GTF3C1: variants seen among roughly 807,000 people sequenced by gnomAD.
GTF3C1 encodes general transcription factor IIIC subunit 1, also known as general transcription factor 3C polypeptide 1.
A neutral mutation model predicts 226.7 loss-of-function variants in GTF3C1; 57 were observed. The observed-to-expected ratio is 0.25, with a 90% CI of 0.20 to 0.31. GTF3C1 has a LOEUF of 0.31. GTF3C1 is among the 10% of genes least tolerant of loss of function. GTF3C1 has a pLI of 1.00. For synonymous variants in GTF3C1, 1,090 were observed against 1,084.8 expected, an observed-to-expected ratio of 1.00 and a Z score of -0.09; for missense variants, 2,217 against 2,776.1, an observed-to-expected ratio of 0.80 and a Z score of 4.53.
At chr16:27,544,507 C>T (rs137946579) in intron 2 of GTF3C1, among the ~76,000 whole-genome samples, 26 of 151,756 alleles carry the variant, frequency 1.7e-4, no homozygotes, top group Non-Finnish European at 3.8e-4. Flanking sequence ...AGATCACAGC[C>T]TTAGACAGGG....
At chr16:27,545,021 G>GA in intron 2 of GTF3C1, among the ~76,000 whole-genome samples, 1 of 148,358 alleles carries the variant, frequency 6.7e-6, no homozygotes, top group East Asian at 2.0e-4. Context: ...TGCCTAGGCT[G>GA]AAGTGCAGTG....
At chr16:27,510,690 T>C (rs375808448) in intron 7 of GTF3C1, among the ~76,000 whole-genome samples, 1 of 152,210 alleles carries the variant, frequency 6.6e-6, no homozygotes, top group Admixed American at 6.5e-5. Context: ...ATCAGATCCC[T>C]TGCAGCCACT....
In GTF3C1 at chr16:27,476,560, C is replaced by G; in HGVS notation, c.4260-16G>C. 6.7e-7 allele frequency: 1 copy of G among 1,481,620 alleles called. No homozygotes were observed. Among genetic ancestry groups the G allele is most frequent in the Non-Finnish European group, 9.4e-7 (1 of 1,061,304 alleles). The allele number at this position is 1,481,620 out of a possible 1,614,324, so 91.8% of individuals were successfully genotyped here. Reference sequence around the variant, plus strand: ...GTCATCCACGCTGAAAGAGAGGGGGCAGCAGGGCACCATGAGACCACAGGC... The same window carrying G: ...GTCATCCACGCTGAAAGAGAGGGGGGAGCAGGGCACCATGAGACCACAGGC... On this transcript the variant is annotated splice_polypyrimidine_tract_variant and intron_variant, in intron 28 of 36. Transcript: ENST00000356183.
At chr16:27,472,079 TGA>T (rs991086576) in intron 29 of GTF3C1, among the ~76,000 whole-genome samples, 159 bp from the exon 30 acceptor site, 8 of 151,994 alleles carry the variant, frequency 5.3e-5, no homozygotes, top group African/African-American at 1.9e-4. Context: ...AGTGTGTGTG[TGA>T]GTGTGTGTAT....
chr16:27,539,138 T>C (rs1397202906), intron 2 of GTF3C1, among the ~76,000 whole-genome samples: 1 of 151,916 alleles, frequency 6.6e-6, no homozygotes, highest in Non-Finnish European at 1.5e-5. Flanking sequence ...ATAGGAGCTC[T>C]GTGTATATTT....
At chr16:27,547,075 C>G (rs2089176373) in intron 1 of GTF3C1, among the ~76,000 whole-genome samples, 1 of 152,068 alleles carries the variant, frequency 6.6e-6, no homozygotes, top group South Asian at 2.1e-4. Flanking sequence ...CTGTCTCCTC[C>G]CAAACTTCCA....
chr16:27,475,648 C>G (rs2087940346), intron 29 of GTF3C1, among the ~76,000 whole-genome samples: 1 of 152,036 alleles, frequency 6.6e-6, no homozygotes, highest in Non-Finnish European at 1.5e-5. Flanking sequence ...AGACCACTGA[C>G]TTCCCAGGCT....
chr16:27,491,286 A>C (rs1159590557), intron 19 of GTF3C1, among the ~76,000 whole-genome samples: 1 of 152,212 alleles, frequency 6.6e-6, no homozygotes, highest in Non-Finnish European at 1.5e-5. Flanking sequence ...TGCAAGCTGA[A>C]CGTGGCTTCC....
Position 27,464,612 on chromosome 16 carries a change from G to A in GTF3C1, c.5580C>T (p.Thr1860=). 2 of 1,499,792 alleles carry A rather than the reference G, an allele frequency of 1.3e-6. No homozygotes were observed. Among genetic ancestry groups the A allele is most frequent in the Non-Finnish European group, 1.8e-6 (2 of 1,124,558 alleles). 92.9% of individuals were successfully genotyped at this position (1,499,792 alleles called of 1,614,324 possible). Reference sequence around the variant, plus strand: ...CACTGGCCCAGCTGGCGCGCCTCTTGGTGCCCCGGGGGCTGTGAGAAGGAG... The same window carrying A: ...CACTGGCCCAGCTGGCGCGCCTCTTAGTGCCCCGGGGGCTGTGAGAAGGAG... The part of the protein sequence containing the change: ...QAPPSHSPRG[T]KRRASWASEN... The change falls in exon 34 of 37, where the codon ACC becomes ACT. Residue 1860 remains threonine (T), a synonymous_variant. Coordinates refer to ENST00000356183, the MANE Select transcript of GTF3C1 (RefSeq NM_001520.4).
Position 27,461,572 on chromosome 16 carries a change from C to G in GTF3C1, c.6118-10G>C. ...CGAGGGACTCCAGGCCCTGGAGACA[C>G]CAGACACACAGGTTACAGCGGCACT... is the stretch of plus-strand genomic sequence containing the variant. On this transcript the variant is annotated splice_polypyrimidine_tract_variant and intron_variant, in intron 36 of 36. Coordinates refer to ENST00000356183, the MANE Select transcript of GTF3C1 (RefSeq NM_001520.4). This position sits in a 1 kb window ranked among gnomAD's most constrained non-coding sequence, Gnocchi z 5.3. 6.2e-7 allele frequency: 1 copy of G among 1,602,016 alleles called. No homozygotes were observed. The highest frequency in any genetic ancestry group is 1.7e-5 in the Admixed American group (1 of 60,010).
At chr16:27,530,495 G>A (rs1339127684) in intron 5 of GTF3C1, among the ~76,000 whole-genome samples, 5 of 152,202 alleles carry the variant, frequency 3.3e-5, no homozygotes, top group East Asian at 1.9e-4. Context: ...GTGAGTCTTC[G>A]TACCAAATCC....
At chr16:27,486,615 CA>C (rs1396814803) in intron 23 of GTF3C1, among the ~76,000 whole-genome samples, 1 of 152,050 alleles carries the variant, frequency 6.6e-6, no homozygotes, top group Non-Finnish European at 1.5e-5. Flanking sequence ...CATCTGGGGA[CA>C]ATAAGGCCTC....
chr16:27,489,653 G>T lies in GTF3C1; in HGVS notation c.3242C>A (p.Ala1081Asp). Residue 1081 changes from alanine to aspartate, a missense_variant, in exon 20 of 37, where the codon GCC (alanine) becomes GAC (aspartate). Coordinates refer to ENST00000356183, the MANE Select transcript of GTF3C1 (RefSeq NM_001520.4). ...GCGCTCCAGGTTGTGCTTGTCCATGGCGCTCTCCTGCTCCTTCTGCAGGCT... is the reference window on the plus strand; with the variant it reads ...GCGCTCCAGGTTGTGCTTGTCCATGTCGCTCTCCTGCTCCTTCTGCAGGCT... ...EGSLQKEQES[A>D]MDKHNLERKC... The T allele has an allele frequency of 6.2e-7, 1 of 1,611,460 alleles. No individual in the cohort carries two copies.
chr16:27,508,856 A>G (rs749178212), intron 7 of GTF3C1, among the ~76,000 whole-genome samples: 4 of 152,194 alleles, frequency 2.6e-5, no homozygotes, highest in Non-Finnish European at 4.4e-5. Context: ...CTAGGCTAGT[A>G]ATACTAACAG....
chr16:27,506,664 A>G (rs1332468865), intron 9 of GTF3C1, among the ~76,000 whole-genome samples, 183 bp downstream of exon 9: 1 of 152,218 alleles, frequency 6.6e-6, no homozygotes, highest in African/African-American at 2.4e-5. Flanking sequence ...GCAAGCAGCC[A>G]GGAGATACCA....
chr16:27,499,046 T>C (rs1283083927), intron 12 of GTF3C1, among the ~76,000 whole-genome samples: 1 of 152,066 alleles, frequency 6.6e-6, no homozygotes, highest in Non-Finnish European at 1.5e-5. Flanking sequence ...AGCCCACTGG[T>C]CTCTGTTGCT....
At chr16:27,482,725 C>T in intron 26 of GTF3C1, 1 of 443,120 alleles carries the variant, frequency 2.3e-6, no homozygotes, top group Non-Finnish European at 4.4e-6. Context: ...GAAAGAAAAC[C>T]CACACCCAGT....
At chr16:27,509,485 C>T (rs556387643) in intron 7 of GTF3C1, among the ~76,000 whole-genome samples, 1 of 152,226 alleles carries the variant, frequency 6.6e-6, no homozygotes, top group South Asian at 2.1e-4. Flanking sequence ...TGGCCGGGTG[C>T]AGTGCCTCAC....
At chr16:27,483,424 T>C (rs1477800680) in intron 25 of GTF3C1, 2 of 547,930 alleles carry the variant, frequency 3.7e-6, no homozygotes, top group Non-Finnish European at 3.5e-6. Context: ...CAGGACCATA[T>C]GGGCTGACCT....
Sources: allele counts gnomAD v4.1 joint callset (sites outside exome capture counted in the v4.1 genomes callset), GRCh38; gene constraint gnomAD v4.1.1; non-coding constraint Gnocchi (gnomAD v3.1); transcripts MANE v1.5; gene names NCBI Gene and HGNC (gene_info 2026-07-23, HGNC 2026-07-21).